Variants in PTPRO observed in about 807,000 individuals in gnomAD.
PTPRO encodes receptor-type tyrosine-protein phosphatase O.
In PTPRO, 62 loss-of-function variants were observed where a neutral mutation model predicts 145.2. The ratio of observed to expected loss-of-function variants is 0.43; its 90% CI spans 0.35 to 0.53. The LOEUF (loss-of-function observed/expected upper bound fraction) is 0.53, where lower values mean the gene tolerates loss of function less well. Ranked by LOEUF, PTPRO falls within the 20% of genes least tolerant of loss-of-function variation. PTPRO has a pLI of 0.01. For synonymous variants in PTPRO, 565 were observed against 514.7 expected, an observed-to-expected ratio of 1.10 and a Z score of -1.32; for missense variants, 1,345 against 1,482.7, an observed-to-expected ratio of 0.91 and a Z score of 1.53.
chr12:15,528,340 C>A lies in PTPRO; in HGVS notation c.2164+2078C>A, dbSNP rs79535057. Among the ~76,000 whole-genome samples, 4 of 147,764 alleles carry A rather than the reference C, an allele frequency of 2.7e-5. No homozygotes were observed. In the South Asian group the frequency reaches 8.6e-4, roughly 32 times the overall value. ...GACCATCCTGGCTAACATGGTGAAA[C>A]CCTGTCTCTAATAAAAATACAAAAA... On this transcript the variant is annotated intron_variant, in intron 12 of 26. Transcript: ENST00000281171.
chr12:15,527,505 C>T (rs989913012), intron 12 of PTPRO, among the ~76,000 whole-genome samples: 1 of 152,232 alleles, frequency 6.6e-6, no homozygotes, highest in Non-Finnish European at 1.5e-5. Flanking sequence ...CCCAGCAACT[C>T]TGCTCTGTAA....
At chr12:15,567,892 G>T (rs1309139311) in intron 18 of PTPRO, among the ~76,000 whole-genome samples, 1 of 152,122 alleles carries the variant, frequency 6.6e-6, no homozygotes, top group Non-Finnish European at 1.5e-5. Flanking sequence ...AGCTAATGTT[G>T]TCTATTCCTA....
chr12:15,403,555 C>T (rs1280031822), intron 1 of PTPRO, among the ~76,000 whole-genome samples: 1 of 152,148 alleles, frequency 6.6e-6, no homozygotes, highest in Non-Finnish European at 1.5e-5. Context: ...TGCACTCCAG[C>T]CTGGGTGAGA....
At chr12:15,407,834 A>G (rs1264417719) in intron 1 of PTPRO, among the ~76,000 whole-genome samples, 1 of 152,172 alleles carries the variant, frequency 6.6e-6, no homozygotes, top group Non-Finnish European at 1.5e-5. Context: ...CTTGAAACGA[A>G]TTGTTTATTT....
chr12:15,415,446 GCA>G, intron 1 of PTPRO, among the ~76,000 whole-genome samples: 1 of 150,102 alleles, frequency 6.7e-6, no homozygotes, highest in Non-Finnish European at 1.5e-5. Context: ...GTGCAGTGGT[GCA>G]GTCTTGGCTC....
intron 12 of PTPRO, among the ~76,000 whole-genome samples, chr12:15,544,837 A>T (rs34577969): frequency 7.0e-4 from 106 of 152,184 alleles, no homozygotes; most frequent in Non-Finnish European, 1.3e-3. Flanking sequence ...TCAGAGCAGA[A>T]GTGGGACAAT....
At chr12:15,580,627 C>A in intron 21 of PTPRO, 70 bp from the exon 22 acceptor site, 1 of 1,600,586 alleles carries the variant, frequency 6.2e-7, no homozygotes, top group Non-Finnish European at 8.6e-7. Context: ...GTTTTTTTCC[C>A]ATAGGCGTGA....
intron 1 of PTPRO, among the ~76,000 whole-genome samples, chr12:15,334,453 G>C (rs1866699121): frequency 6.6e-6 from 1 of 152,100 alleles, no homozygotes; most frequent in Admixed American, 6.5e-5. Context: ...CCAAAAACCT[G>C]AATTGTCCAG....
intron 1 of PTPRO, among the ~76,000 whole-genome samples, chr12:15,380,059 G>A (rs1382101492): frequency 2.0e-5 from 3 of 152,060 alleles, no homozygotes; most frequent in Non-Finnish European, 4.4e-5. Context: ...AGAATAACAT[G>A]TAATGTATTG....
intron 1 of PTPRO, among the ~76,000 whole-genome samples, chr12:15,363,331 C>A (rs1348303262): frequency 1.3e-5 from 2 of 152,164 alleles, no homozygotes; most frequent in Admixed American, 1.3e-4. Context: ...TAATCATGCT[C>A]TATTTTTCGA....
intron 3 of PTPRO, 89 bp downstream of exon 3, chr12:15,497,492 G>A: frequency 7.3e-7 from 1 of 1,372,946 alleles, no homozygotes. Flanking sequence ...CTGCAAAGAG[G>A]TTTTATAATT....
chr12:15,444,563 T>C (rs1055033357), intron 1 of PTPRO, among the ~76,000 whole-genome samples: 2 of 152,088 alleles, frequency 1.3e-5, no homozygotes, highest in Non-Finnish European at 2.9e-5. Context: ...TATAACGCCA[T>C]AGACAATTTA....
At chr12:15,377,476 A>G (rs1161374971) in intron 1 of PTPRO, among the ~76,000 whole-genome samples, 2 of 152,076 alleles carry the variant, frequency 1.3e-5, no homozygotes, top group Non-Finnish European at 2.9e-5. Context: ...TGAAAAATAC[A>G]CTATACAAAC....
At chr12:15,356,213 A>G (rs1937984092) in intron 1 of PTPRO, among the ~76,000 whole-genome samples, 1 of 152,200 alleles carries the variant, frequency 6.6e-6, no homozygotes, top group Admixed American at 6.5e-5. Context: ...GCACATAATA[A>G]CCATTTGATA....
chr12:15,450,532 G>C (rs1332267614), intron 1 of PTPRO, among the ~76,000 whole-genome samples: 1 of 152,138 alleles, frequency 6.6e-6, no homozygotes, highest in Non-Finnish European at 1.5e-5. Flanking sequence ...CCAGCACGTT[G>C]GGAGGCCAAG....
chr12:15,514,263 C>A (rs2136497902), intron 7 of PTPRO, among the ~76,000 whole-genome samples: 1 of 151,972 alleles, frequency 6.6e-6, no homozygotes, highest in African/African-American at 2.4e-5. Flanking sequence ...ACCAGCCTGG[C>A]CAACATGGCG....
chr12:15,555,394 C>T (rs1047762671), intron 15 of PTPRO, among the ~76,000 whole-genome samples: 5 of 152,052 alleles, frequency 3.3e-5, no homozygotes, highest in Admixed American at 6.5e-5. Context: ...TAACAGTAAG[C>T]GACTGACAAA....
intron 2 of PTPRO, 118 bp from the exon 3 acceptor site, chr12:15,497,127 A>G (rs1483433224): frequency 4.4e-6 from 4 of 917,452 alleles, no homozygotes; most frequent in Non-Finnish European, 7.1e-6. Context: ...GTGCCCACAG[A>G]CAGTGAAAAT....
chr12:15,551,750 C>T (rs538185490), intron 15 of PTPRO, 79 bp downstream of exon 15: 1 of 1,491,630 alleles, frequency 6.7e-7, no homozygotes, highest in African/African-American at 1.4e-5. Flanking sequence ...TTTTTGCACA[C>T]CTAAGTTGTA....
Sources: gnomAD v4.1 joint callset for allele counts (sites outside exome capture counted in the v4.1 genomes callset) on GRCh38, gnomAD v4.1.1 for gene constraint, MANE v1.5 for transcripts, NCBI Gene and HGNC (gene_info 2026-07-23, HGNC 2026-07-21) for gene names.